XRN2: variants seen among roughly 807,000 people sequenced by gnomAD.
XRN2 encodes 5'-3' exoribonuclease 2.
XRN2 carries 44 observed loss-of-function variants against 138.5 expected under a neutral mutation model. That is an observed-to-expected ratio of 0.32 (90% CI 0.25 to 0.41). The LOEUF is 0.41. Ranked by LOEUF, XRN2 falls within the 10% of genes least tolerant of loss-of-function variation. XRN2 has a pLI of 1.00. For synonymous variants in XRN2, 354 were observed against 369.4 expected (o/e 0.96, Z 0.48); for missense variants, 937 against 1,169.3 (o/e 0.80, Z 2.90).
intron 1 of XRN2, among the ~76,000 whole-genome samples, chr20:21,309,748 C>G (rs2037853561): frequency 6.6e-6 from 1 of 151,526 alleles, no homozygotes; most frequent in Non-Finnish European, 1.5e-5. Context: ...TTTTACTTCT[C>G]TTTTGTTTTC....
At chr20:21,346,877 A>G (rs938502979) in intron 17 of XRN2, among the ~76,000 whole-genome samples, 1 of 152,082 alleles carries the variant, frequency 6.6e-6, no homozygotes, top group Non-Finnish European at 1.5e-5. Context: ...TCAGCCTCCT[A>G]AAGTAGTGGG....
rs994819804 is a variant in XRN2 at position 21,333,823 on chromosome 20, A to G, written c.1053A>G (p.Pro351=). 1 of 1,614,138 alleles carries G rather than the reference A, an allele frequency of 6.2e-7. No individual in the cohort carries two copies. The highest frequency in any genetic ancestry group is 1.7e-5 in the Admixed American group (1 of 60,028). The stretch of plus-strand genomic sequence containing the variant: ...GAAATGACTTCCTCCCTCATTTGCC[A>G]TCGTTAGAGATTAGGTATGTGCATT... ...FVGNDFLPHL[P]SLEIRENAID... is the part of the protein sequence containing the mutation. Residue 351 remains proline, a synonymous_variant, in exon 11 of 30, where the codon CCA becomes CCG. Coordinates refer to ENST00000377191, the MANE Select transcript of XRN2 (RefSeq NM_012255.5).
chr20:21,366,205 T>C (rs958247394), intron 26 of XRN2, among the ~76,000 whole-genome samples: 9 of 131,492 alleles, frequency 6.8e-5, no homozygotes, highest in Non-Finnish European at 1.4e-4. Context: ...ATAGTTTATA[T>C]ATATAATATA....
intron 24 of XRN2, 51 bp from the exon 25 acceptor site, chr20:21,365,370 A>T (rs746666835): frequency 6.4e-7 from 1 of 1,572,876 alleles, no homozygotes; most frequent in Non-Finnish European, 8.7e-7. Flanking sequence ...TCTACATGAT[A>T]AGACAGGCTG....
intron 22 of XRN2, among the ~76,000 whole-genome samples, 157 bp from the exon 23 acceptor site, chr20:21,356,429 A>G (rs1009189668): frequency 1.3e-5 from 2 of 151,754 alleles, no homozygotes; most frequent in Non-Finnish European, 2.9e-5. Flanking sequence ...ATAATACTCT[A>G]TGTGTACTTT....
chr20:21,339,669 T>C (rs1186487577), intron 14 of XRN2, among the ~76,000 whole-genome samples: 1 of 152,244 alleles, frequency 6.6e-6, no homozygotes, highest in Non-Finnish European at 1.5e-5. Context: ...ACTTTGCAGC[T>C]CACTGACATC....
At chr20:21,328,290 G>A (rs1022151791) in intron 3 of XRN2, among the ~76,000 whole-genome samples, 4 of 152,172 alleles carry the variant, frequency 2.6e-5, no homozygotes, top group African/African-American at 7.2e-5. Flanking sequence ...TAGACTGGGA[G>A]GGCTTGAAGT....
intron 27 of XRN2, among the ~76,000 whole-genome samples, chr20:21,380,085 G>A (rs1180741396): frequency 5.3e-5 from 8 of 152,152 alleles, no homozygotes; most frequent in Admixed American, 2.6e-4. Flanking sequence ...CACCAGGCAA[G>A]CACAATATGG....
chr20:21,351,468 T>G (rs1212045208), intron 20 of XRN2, among the ~76,000 whole-genome samples: 1 of 151,848 alleles, frequency 6.6e-6, no homozygotes, highest in African/African-American at 2.4e-5. Flanking sequence ...ATTATAGAAG[T>G]TTTTTATATA....
intron 28 of XRN2, among the ~76,000 whole-genome samples, chr20:21,382,721 T>G (rs1220263602): frequency 6.6e-6 from 1 of 152,248 alleles, no homozygotes; most frequent in Non-Finnish European, 1.5e-5. Flanking sequence ...ATGTTTAACA[T>G]GTATTCCTTC....
rs1000100413 is a variant in XRN2, at chr20:21,382,621, C to G, written c.2648+564C>G. ...CTACTTAAGACTGAACTGAATTAAA[C>G]GCAGAAGGGACTCAGAAGAGGATTA... is the stretch of plus-strand genomic sequence containing the variant. On this transcript the variant is annotated intron_variant, in intron 28 of 29. Coordinates refer to ENST00000377191, the MANE Select transcript of XRN2 (RefSeq NM_012255.5). 3.3e-5 allele frequency among the ~76,000 whole-genome samples: 5 copies of G among 152,138 alleles called. 1 individual carries two copies. Among genetic ancestry groups the G allele is most frequent in the Non-Finnish European group, 7.3e-5 (5 of 68,040 alleles).
intron 1 of XRN2, among the ~76,000 whole-genome samples, chr20:21,318,473 CTCTT>C (rs1170371528): frequency 1.3e-5 from 2 of 151,716 alleles, no homozygotes; most frequent in East Asian, 1.9e-4. Flanking sequence ...TTAGTTTACT[CTCTT>C]TTGGTATCTT....
At chr20:21,337,638 C>T (rs1251901478) in intron 13 of XRN2, among the ~76,000 whole-genome samples, 2 of 152,174 alleles carry the variant, frequency 1.3e-5, no homozygotes, top group African/African-American at 2.4e-5. Context: ...AACATTAACT[C>T]ATTTCTGCCC....
intron 15 of XRN2, among the ~76,000 whole-genome samples, chr20:21,343,754 G>A (rs79692602): frequency 2.3e-3 from 351 of 151,726 alleles, no homozygotes; most frequent in South Asian, 4.2e-3. Flanking sequence ...ACAAATGATT[G>A]TGAACCACCA....
chr20:21,358,892 T>A (rs2038605721), intron 24 of XRN2, among the ~76,000 whole-genome samples: 1 of 152,208 alleles, frequency 6.6e-6, no homozygotes, highest in Non-Finnish European at 1.5e-5. Context: ...CTCTGACAGA[T>A]TCAGTGTGAA....
intron 27 of XRN2, among the ~76,000 whole-genome samples, chr20:21,378,142 C>T (rs1012452863): frequency 6.6e-6 from 1 of 152,166 alleles, no homozygotes. Flanking sequence ...TTATTTTCTT[C>T]CTATAAATCC....
In XRN2 at chr20:21,331,748, C is replaced by T. The variant is rs2038212739; in HGVS notation, c.650-20C>T. 6.3e-7 allele frequency: 1 copy of T among 1,599,918 alleles called. No homozygotes were observed. The highest frequency in any genetic ancestry group is 1.1e-5 in the South Asian group (1 of 87,928). On this transcript the variant is annotated intron_variant, in intron 7 of 29. Transcript: ENST00000377191. Reference sequence around the variant, plus strand: ...GGTATATAATATATTAATATAAATACATGTTTCTCTCTTGTTTAGCCCAGC... The same window carrying T: ...GGTATATAATATATTAATATAAATATATGTTTCTCTCTTGTTTAGCCCAGC...
chr20:21,362,890 C>CA (rs1451925529), intron 24 of XRN2, among the ~76,000 whole-genome samples: 1 of 152,138 alleles, frequency 6.6e-6, no homozygotes, highest in Non-Finnish European at 1.5e-5. Flanking sequence ...AGAATGTACT[C>CA]ACTCATCATT....
At position 21,331,495 on chromosome 20, in the gene XRN2, T is replaced by C. The variant is rs969074436; in HGVS notation, c.577-66T>C. 4 of 1,353,868 alleles carry C rather than the reference T, an allele frequency of 3.0e-6. No individual in the cohort carries two copies. In the Admixed American group the frequency reaches 5.5e-5, roughly 19 times the overall value. 83.9% of individuals were successfully genotyped at this position (1,353,868 alleles called of 1,614,324 possible). ...TCTCAGTTTTTCTTGAGACATATAA[T>C]TCTTTTGATTTTTGTGCCTATAGAA... On this transcript the variant is annotated intron_variant, in intron 6 of 29. Transcript: ENST00000377191.
Sources: gnomAD v4.1 joint callset for allele counts (sites outside exome capture counted in the v4.1 genomes callset) on GRCh38, gnomAD v4.1.1 for gene constraint, MANE v1.5 for transcripts, NCBI Gene and HGNC (gene_info 2026-07-23, HGNC 2026-07-21) for gene names.